The following EYS variants were observed in gnomAD, a reference collection of about 807,000 sequenced individuals.
EYS encodes the protein EGF-like photoreceptor maintenance factor.
In EYS, 250 loss-of-function variants were observed where a neutral mutation model predicts 282.1. The ratio of observed to expected loss-of-function variants is 0.89; its 90% confidence interval spans 0.80 to 0.98. EYS has a LOEUF of 0.98. EYS is among the 50% of genes least tolerant of loss of function. The probability of loss-of-function intolerance (pLI) is 0.00; values close to 1 mark genes in which losing one functional copy is unlikely to be tolerated. For synonymous variants in EYS, 1,355 were observed against 1,282.9 expected (o/e 1.06, Z -1.20); for missense variants, 4,016 against 3,709.0 (o/e 1.08, Z -2.15).
Position 64,703,738 on chromosome 6 carries a change from T to C in EYS, c.3444-77493A>G, listed in dbSNP as rs146723151. On this transcript the variant is annotated intron_variant, in intron 22 of 42. Transcript: ENST00000503581. ...TATAATCTCACCACGCAAACTGTGG[T>C]AATTGTTATTACAAGAACAAAAATG... Among the ~76,000 whole-genome samples, 693 of 152,190 alleles carry C rather than the reference T, an allele frequency of 4.6e-3. 5 individuals carry two copies. Among genetic ancestry groups the C allele is most frequent in the African/African-American group, 0.016 (646 of 41,550 alleles).
chr6:64,999,086 T>C (rs935728075), intron 13 of EYS, among the ~76,000 whole-genome samples: 1 of 152,222 alleles, frequency 6.6e-6, no homozygotes, highest in Non-Finnish European at 1.5e-5. Flanking sequence ...AATAAATGTG[T>C]TTCTAACATA....
chr6:63,792,317 A>G (rs769500868), intron 37 of EYS, among the ~76,000 whole-genome samples: 2 of 151,918 alleles, frequency 1.3e-5, no homozygotes, highest in Non-Finnish European at 2.9e-5. Context: ...TCAACTCTAG[A>G]TCTTCCCTGA....
At chr6:64,044,044 T>C (rs1042423078) in intron 33 of EYS, among the ~76,000 whole-genome samples, 1 of 152,220 alleles carries the variant, frequency 6.6e-6, no homozygotes, top group Non-Finnish European at 1.5e-5. Context: ...GTTATGCTAA[T>C]GAGGCACATG....
At position 63,915,250 on chromosome 6, in the gene EYS, G is replaced by A. The variant is rs149326113; in HGVS notation, c.7056-50892C>T. 3.6e-3 allele frequency among the ~76,000 whole-genome samples: 552 copies of A among 152,238 alleles called. 3 individuals carry two copies. The highest frequency in any genetic ancestry group is 0.012 in the African/African-American group (495 of 41,550). Reference sequence around the variant, plus strand: ...ATCCTGAAAATCCTAGGGCCTTTAAGAATTATGCTAAAGCCATTCTGCTTG... The same window carrying A: ...ATCCTGAAAATCCTAGGGCCTTTAAAAATTATGCTAAAGCCATTCTGCTTG... On this transcript the variant is annotated intron_variant, in intron 35 of 42. Transcript: ENST00000503581.
intron 15 of EYS, among the ~76,000 whole-genome samples, chr6:64,945,324 A>G (rs781045854): frequency 6.6e-6 from 1 of 152,062 alleles, no homozygotes; most frequent in South Asian, 2.1e-4. Context: ...ACTAATTAAT[A>G]CAATTGAATT....
In EYS at chr6:64,547,781, G is replaced by A. The variant is rs182524100; in HGVS notation, c.5644+42442C>T. On this transcript the variant is annotated intron_variant, in intron 26 of 42. Coordinates refer to ENST00000503581, the MANE Select transcript of EYS (RefSeq NM_001142800.2). ...TGGGCGCTGTGGAGCAGGGGGCGGC[G>A]TTGGTCGGGGCGGCTCGGGCTGCGC... Among the ~76,000 whole-genome samples the A allele has an allele frequency of 1.5e-4, 23 of 152,314 alleles. No individual in the cohort carries two copies. The South Asian group carries it at 1.7e-3, about 11-fold the overall frequency.
At chr6:64,679,119 C>T (rs574817705) in intron 22 of EYS, among the ~76,000 whole-genome samples, 1 of 152,240 alleles carries the variant, frequency 6.6e-6, no homozygotes, top group South Asian at 2.1e-4. Flanking sequence ...ATCCTCTTCT[C>T]TGCAGTCTCT....
chr6:64,155,167 G>T (rs1774875571), intron 31 of EYS, among the ~76,000 whole-genome samples: 2 of 152,116 alleles, frequency 1.3e-5, no homozygotes, highest in Non-Finnish European at 2.9e-5. Context: ...CCTTGGGCTA[G>T]CCCTGGAGAG....
chr6:64,700,977 A>G (rs768662038), intron 22 of EYS, among the ~76,000 whole-genome samples: 2 of 152,100 alleles, frequency 1.3e-5, no homozygotes, highest in Non-Finnish European at 2.9e-5. Flanking sequence ...ATTATACTAC[A>G]AGGCTATAGT....
At chr6:63,838,219 T>C (rs896243922) in intron 36 of EYS, among the ~76,000 whole-genome samples, 1 of 151,622 alleles carries the variant, frequency 6.6e-6, no homozygotes, top group Non-Finnish European at 1.5e-5. Flanking sequence ...GTTTCTTTTC[T>C]TTTCTTTTTT....
At chr6:64,073,913 C>T (rs537589460) in intron 32 of EYS, among the ~76,000 whole-genome samples, 4 of 151,784 alleles carry the variant, frequency 2.6e-5, no homozygotes, top group South Asian at 4.2e-4. Context: ...ACCATTAAGT[C>T]GTTGAAAGAA....
chr6:65,087,947 G>A lies in EYS; in HGVS notation c.2024-30220C>T, dbSNP rs111872344. Reference sequence around the variant, plus strand: ...GGACAGTTTTCCCCATGCCGTTCTCGTGATTATGGGGGAGTCTTGTGAGAT... The same window carrying A: ...GGACAGTTTTCCCCATGCCGTTCTCATGATTATGGGGGAGTCTTGTGAGAT... On this transcript the variant is annotated intron_variant, in intron 12 of 42. Transcript: ENST00000503581. Among the ~76,000 whole-genome samples the A allele has an allele frequency of 1.5e-3, 235 of 152,208 alleles. 1 individual carries two copies. The highest frequency in any genetic ancestry group is 0.01 in the Middle Eastern group (3 of 294).
At chr6:64,386,815 T>G (rs770424539) in intron 29 of EYS, among the ~76,000 whole-genome samples, 5 of 152,180 alleles carry the variant, frequency 3.3e-5, no homozygotes, top group Non-Finnish European at 5.9e-5. Flanking sequence ...ATACCTTTTT[T>G]GTTTAATTAT....
chr6:65,609,588 G>C (rs1447639800), intron 2 of EYS, among the ~76,000 whole-genome samples: 4 of 151,928 alleles, frequency 2.6e-5, no homozygotes, highest in African/African-American at 9.7e-5. Context: ...TCTCACATTT[G>C]AAAGGTTTGA....
At chr6:64,856,763 A>G (rs1192944628) in intron 19 of EYS, among the ~76,000 whole-genome samples, 1 of 152,144 alleles carries the variant, frequency 6.6e-6, no homozygotes, top group Non-Finnish European at 1.5e-5. Flanking sequence ...CTTTAAACTT[A>G]TAAGTTTCCA....
chr6:64,244,238 T>TA (rs1375223891), intron 30 of EYS, among the ~76,000 whole-genome samples: 18 of 152,334 alleles, frequency 1.2e-4, no homozygotes, highest in Non-Finnish European at 1.5e-5. Flanking sequence ...TCTGTCAACT[T>TA]ATAGGAGATA....
At chr6:63,917,979 C>A (rs976143738) in intron 35 of EYS, among the ~76,000 whole-genome samples, 10 of 152,178 alleles carry the variant, frequency 6.6e-5, no homozygotes, top group Non-Finnish European at 4.4e-5. Context: ...TCCTGCAAAG[C>A]CTTGTTTTGT....
chr6:64,519,423 A>G (rs1777662230), intron 26 of EYS, among the ~76,000 whole-genome samples: 1 of 151,864 alleles, frequency 6.6e-6, no homozygotes, highest in South Asian at 2.1e-4. Flanking sequence ...ACGCAGAAGC[A>G]TAAATGTTGA....
intron 13 of EYS, among the ~76,000 whole-genome samples, chr6:65,013,841 G>A (rs1771957644): frequency 6.6e-6 from 1 of 152,116 alleles, no homozygotes; most frequent in African/African-American, 2.4e-5. Flanking sequence ...TTTCAGCCTG[G>A]GAAACAGTGA....
Sources: allele counts gnomAD v4.1 joint callset (sites outside exome capture counted in the v4.1 genomes callset), GRCh38; gene constraint gnomAD v4.1.1; transcripts MANE v1.5; gene names NCBI Gene and HGNC (gene_info 2026-07-23, HGNC 2026-07-21).